The following CHD3 variants were observed in gnomAD, a reference collection of about 807,000 sequenced individuals.
The protein encoded by CHD3 is ATP-dependent chromatin remodeler CHD3.
Under a neutral mutation model 248.9 loss-of-function variants are expected in CHD3, and 52 were observed. That is an observed-to-expected ratio of 0.21 (90% confidence interval 0.17 to 0.26). The LOEUF is 0.26. Among genes scored for constraint, CHD3 ranks in the 10% least tolerant of loss-of-function variants. The probability of loss-of-function intolerance (pLI) is 1.00; values close to 1 mark genes in which losing one functional copy is unlikely to be tolerated. For missense variants in CHD3, 1,482 were observed against 2,605.8 expected (o/e 0.57, Z 9.39); for synonymous variants, 985 against 985.2 (o/e 1.00, Z 0.00).
At chr17:7,891,827 A>G (rs955570893) in intron 4 of CHD3, among the ~76,000 whole-genome samples, 9 of 152,008 alleles carry the variant, frequency 5.9e-5, no homozygotes, top group Non-Finnish European at 1.3e-4. Context: ...CACCACTGCT[A>G]TGCTCTAGCC....
intron 20 of CHD3, among the ~76,000 whole-genome samples, 156 bp from the exon 21 acceptor site, chr17:7,902,452 AAG>A (rs1198330694): frequency 6.6e-6 from 1 of 152,050 alleles, no homozygotes; most frequent in East Asian, 1.9e-4. Context: ...AAAATAAGAA[AAG>A]AGAGTGTGAC....
At chr17:7,901,754 G>C (rs1970348591) in intron 20 of CHD3, among the ~76,000 whole-genome samples, 1 of 151,944 alleles carries the variant, frequency 6.6e-6, no homozygotes, top group African/African-American at 2.4e-5. Context: ...CAGGTGATCT[G>C]CCCGCCTCGG....
Position 7,906,965 on chromosome 17 carries a change from C to G in CHD3, c.4600C>G (p.Pro1534Ala). The change falls in exon 30 of 40, where the codon CCT becomes GCT. Residue 1534 changes from proline (P) to alanine (A), a missense_variant. Physicochemically the swap from Pro to Ala is conservative, Grantham distance 27. Transcript: ENST00000330494. The surrounding 1 kb of genome is among the most constrained non-coding windows in gnomAD (Gnocchi z 5.0). ...DSKRSSRASS[P>A]TKTSPTTPEA... Reference sequence around the variant, plus strand: ...TAAGCGCTCCTCCAGAGCCTCCTCTCCTACCAAAACGTCTCCCACCACTCC... The same window carrying G: ...TAAGCGCTCCTCCAGAGCCTCCTCTGCTACCAAAACGTCTCCCACCACTCC... 12 of 1,614,160 alleles carry G rather than the reference C, an allele frequency of 7.4e-6. No homozygotes were observed. Among genetic ancestry groups the G allele is most frequent in the Non-Finnish European group, 1.0e-5 (12 of 1,180,026 alleles).
chr17:7,889,225 G>T lies in CHD3; in HGVS notation c.100+125G>T, dbSNP rs1968465647. On this transcript the variant is annotated intron_variant, in intron 1 of 39. Coordinates refer to ENST00000330494, the MANE Select transcript of CHD3 (RefSeq NM_001005273.3). This position sits in a 1 kb window ranked among gnomAD's most constrained non-coding sequence, Gnocchi z 4.5. ...TCTCCCTCCCCAGCATCTGGCTTAG[G>T]GAGCTGCCAGCTTGTGTCTCCCCAC... 8.3e-7 allele frequency: 1 copy of T among 1,211,354 alleles called. No individual in the cohort carries two copies. Among genetic ancestry groups the T allele is most frequent in the Non-Finnish European group, 1.2e-6 (1 of 863,756 alleles). 75.0% of individuals were successfully genotyped at this position (1,211,354 alleles called of 1,614,324 possible). A position where few individuals can be genotyped will look rare whatever the true frequency, so the allele number is the denominator to read the frequency against.
chr17:7,894,173 G>C lies in CHD3; in HGVS notation c.983G>C (p.Ser328Thr), dbSNP rs760635105. 6.2e-7 allele frequency: 1 copy of C among 1,614,056 alleles called. No individual in the cohort carries two copies. Among genetic ancestry groups the C allele is most frequent in the Non-Finnish European group, 8.5e-7 (1 of 1,179,990 alleles). ...GAGGCTGAGGAATCAGACCTGGACA[G>C]TGGCAGTGTCCACAGTGCCTCAGGC... Reference protein sequence around the residue: ...EPEAEESDLDSGSVHSASGRP... With the variant: ...EPEAEESDLDTGSVHSASGRP... Residue 328 changes from serine (S) to threonine (T), a missense_variant, in exon 7 of 40, where the codon AGT (serine) becomes ACT (threonine). Physicochemically the swap from Ser to Thr is moderately conservative, Grantham distance 58. Transcript: ENST00000330494.
chr17:7,889,203 C>T lies in CHD3; in HGVS notation c.100+103C>T. Reference sequence around the variant, plus strand: ...AACCCAGGTGTCCACCTTTGGCTCTCCCTCCCCAGCATCTGGCTTAGGGAG... The same window carrying T: ...AACCCAGGTGTCCACCTTTGGCTCTTCCTCCCCAGCATCTGGCTTAGGGAG... On this transcript the variant is annotated intron_variant, in intron 1 of 39. Transcript: ENST00000330494. This position sits in a 1 kb window ranked among gnomAD's most constrained non-coding sequence, Gnocchi z 4.5. The T allele has an allele frequency of 1.4e-6, 2 of 1,424,416 alleles. No individual in the cohort carries two copies. Among genetic ancestry groups the T allele is most frequent in the South Asian group, 2.5e-5 (2 of 80,430 alleles). 88.2% of individuals were successfully genotyped at this position (1,424,416 alleles called of 1,614,324 possible).
intron 20 of CHD3, 129 bp downstream of exon 20, chr17:7,901,504 G>GTT (rs34660030): frequency 0.011 from 1,864 of 172,614 alleles, 2 homozygotes; most frequent in South Asian, 0.03. Flanking sequence ...TCCTGTAAGA[G>GTT]TTTTTTTTTT....
In CHD3 at chr17:7,894,169, G is replaced by A; in HGVS notation, c.979G>A (p.Asp327Asn). 1 of 1,614,222 alleles carries A rather than the reference G, an allele frequency of 6.2e-7. No individual in the cohort carries two copies. The highest frequency in any genetic ancestry group is 1.1e-5 in the South Asian group (1 of 91,090). ...PEPEAEESDL[D>N]SGSVHSASGR... ...ACCAGAGGCTGAGGAATCAGACCTGGACAGTGGCAGTGTCCACAGTGCCTC... is the reference window on the plus strand; with the variant it reads ...ACCAGAGGCTGAGGAATCAGACCTGAACAGTGGCAGTGTCCACAGTGCCTC... Residue 327 changes from aspartate to asparagine, a missense_variant, in exon 7 of 40, where the codon GAC becomes AAC. Physicochemically the swap from Asp to Asn is conservative, Grantham distance 23. Transcript: ENST00000330494.
Position 7,906,416 on chromosome 17 carries a change from A to T in CHD3, c.4359-137A>T. The T allele has an allele frequency of 1.2e-6, 1 of 845,866 alleles. No individual in the cohort carries two copies. Among genetic ancestry groups the T allele is most frequent in the Non-Finnish European group, 1.9e-6 (1 of 527,030 alleles). The allele number at this position is 845,866 out of a possible 1,614,324, so 52.4% of individuals were successfully genotyped here. ...TGGAGGGCTGGTAATGGTGAGAGTG[A>T]GAGGCCCAGGGGAGGAGCCCTGGAG... On this transcript the variant is annotated intron_variant, in intron 28 of 39. Coordinates refer to ENST00000330494, the MANE Select transcript of CHD3 (RefSeq NM_001005273.3). This position sits in a 1 kb window ranked among gnomAD's most constrained non-coding sequence, Gnocchi z 5.0.
At chr17:7,888,762 A>G (rs2151445901), upstream of CHD3, 2 of 1,358,124 alleles carry the variant, frequency 1.5e-6, no homozygotes, top group East Asian at 2.8e-5. Flanking sequence ...TTGAGAAGGC[A>G]TATGCTGGGT....
chr17:7,888,615 G>A (rs1290643336), upstream of CHD3, among the ~76,000 whole-genome samples: 6 of 152,344 alleles, frequency 3.9e-5, no homozygotes, highest in Non-Finnish European at 7.3e-5. Flanking sequence ...GGGGTGGGGG[G>A]CCTGGGGTCC....
At position 7,909,139 on chromosome 17, in the gene CHD3, T is replaced by G; in HGVS notation, c.5395-4T>G. ...ACCTTCACCTCCCAACTCTGTGCCCTCAGCTCCTGGAGCAGGCGCTGGTGA... is the reference window on the plus strand; with the variant it reads ...ACCTTCACCTCCCAACTCTGTGCCCGCAGCTCCTGGAGCAGGCGCTGGTGA... On this transcript the variant is annotated splice_polypyrimidine_tract_variant and splice_region_variant and intron_variant, in intron 36 of 39. Transcript: ENST00000330494. This position sits in a 1 kb window ranked among gnomAD's most constrained non-coding sequence, Gnocchi z 8.1. The G allele has an allele frequency of 1.9e-6, 3 of 1,554,556 alleles. No individual in the cohort carries two copies. The highest frequency in any genetic ancestry group is 2.6e-6 in the Non-Finnish European group (3 of 1,149,694).
Position 7,909,436 on chromosome 17 carries a change from A to G in CHD3, c.5590+98A>G. 7.1e-7 allele frequency: 1 copy of G among 1,403,332 alleles called. No individual in the cohort carries two copies. Among genetic ancestry groups the G allele is most frequent in the Non-Finnish European group, 9.3e-7 (1 of 1,077,456 alleles). 86.9% of individuals were successfully genotyped at this position (1,403,332 alleles called of 1,614,324 possible). On this transcript the variant is annotated intron_variant, in intron 37 of 39. Transcript: ENST00000330494. The surrounding 1 kb of genome is among the most constrained non-coding windows in gnomAD (Gnocchi z 8.1). ...AATCTTCCCACCCCCTGACCCCTCT[A>G]CCTGCTGAACCATCCCCCTCTGACC...
Position 7,909,042 on chromosome 17 carries a change from A to C in CHD3, c.5395-101A>C. 6.7e-7 allele frequency: 1 copy of C among 1,485,438 alleles called. No homozygotes were observed. The highest frequency in any genetic ancestry group is 9.1e-7 in the Non-Finnish European group (1 of 1,097,178). The allele number at this position is 1,485,438 out of a possible 1,614,324, so 92.0% of individuals were successfully genotyped here. ...TTTGGAGCTGGGAGTGCCCTGGGCC[A>C]GCAGTGAGGGCAGGGTGGGTCTCTT... On this transcript the variant is annotated intron_variant, in intron 36 of 39. Coordinates refer to ENST00000330494, the MANE Select transcript of CHD3 (RefSeq NM_001005273.3). This position sits in a 1 kb window ranked among gnomAD's most constrained non-coding sequence, Gnocchi z 8.1.
In CHD3 at chr17:7,911,929, G is replaced by C. The variant is rs1971714744; in HGVS notation, c.*344G>C. ...GGAGGAAAGAGGTGGAGCCTCCCCAGCCGTTTCCCTGCAGAATCAGCTCTG... is the reference window on the plus strand; with the variant it reads ...GGAGGAAAGAGGTGGAGCCTCCCCACCCGTTTCCCTGCAGAATCAGCTCTG... On this transcript the variant is annotated 3_prime_UTR_variant, in exon 40 of 40. Transcript: ENST00000330494. This position sits in a 1 kb window ranked among gnomAD's most constrained non-coding sequence, Gnocchi z 5.4. The C allele has an allele frequency of 2.6e-6, 1 of 391,184 alleles. No individual in the cohort carries two copies. The highest frequency in any genetic ancestry group is 2.2e-5 in the South Asian group (1 of 45,816). 24.2% of individuals were successfully genotyped at this position (391,184 alleles called of 1,614,324 possible). A position where few individuals can be genotyped will look rare whatever the true frequency, so the allele number is the denominator to read the frequency against.
At position 7,890,554 on chromosome 17, in the gene CHD3, T is replaced by G. The variant is rs1194478971; in HGVS notation, c.214-17T>G. 3 of 1,529,350 alleles carry G rather than the reference T, an allele frequency of 2.0e-6. No homozygotes were observed. Among genetic ancestry groups the G allele is most frequent in the Non-Finnish European group, 2.6e-6 (3 of 1,135,654 alleles). 94.7% of individuals were successfully genotyped at this position (1,529,350 alleles called of 1,614,324 possible). A position where few individuals can be genotyped will look rare whatever the true frequency, so the allele number is the denominator to read the frequency against. ...TGGTAGGGATGAATAAATGTTATTT[T>G]TATTTCTTTCTCTTAGGACAGTGAG... On this transcript the variant is annotated splice_polypyrimidine_tract_variant and intron_variant, in intron 2 of 39. Coordinates refer to ENST00000330494, the MANE Select transcript of CHD3 (RefSeq NM_001005273.3).
intron 5 of CHD3, 89 bp downstream of exon 5, chr17:7,893,658 T>C: frequency 6.5e-7 from 1 of 1,528,900 alleles, no homozygotes; most frequent in African/African-American, 1.4e-5. Context: ...TTCCCAGCCC[T>C]GATTGCTGGA....
chr17:7,884,877 A>G, upstream of CHD3: 4 of 1,286,142 alleles, frequency 3.1e-6, no homozygotes, highest in Admixed American at 4.8e-5. Context: ...GAAGAAGAGG[A>G]GGAAGAAGAG....
chr17:7,892,218 C>CA (rs1340510098), intron 4 of CHD3, among the ~76,000 whole-genome samples: 1 of 152,150 alleles, frequency 6.6e-6, no homozygotes, highest in Non-Finnish European at 1.5e-5. Flanking sequence ...CCCGTGTCCG[C>CA]ACAAGAGTTG....
Sources: gnomAD v4.1 joint callset for allele counts (sites outside exome capture counted in the v4.1 genomes callset) on GRCh38, gnomAD v4.1.1 for gene constraint, Gnocchi (gnomAD v3.1) non-coding constraint, MANE v1.5 for transcripts, NCBI Gene and HGNC (gene_info 2026-07-23, HGNC 2026-07-21) for gene names.